The following WDR49 variants were observed in gnomAD, a reference collection of about 807,000 sequenced individuals.
The protein encoded by WDR49 is WD repeat domain 49.
WDR49 carries 107 observed loss-of-function variants against 119.5 expected under a neutral mutation model. The observed-to-expected ratio is 0.90, with a 90% CI of 0.77 to 1.05. The LOEUF (loss-of-function observed/expected upper bound fraction) is 1.05. Ranked by LOEUF, WDR49 falls within the 50% of genes least tolerant of loss-of-function variation. WDR49 has a pLI of 0.00. For synonymous variants in WDR49, 425 were observed against 418.8 expected, an observed-to-expected ratio of 1.01 and a Z score of -0.18; for missense variants, 1,240 against 1,220.5, an observed-to-expected ratio of 1.02 and a Z score of -0.24.
chr3:167,563,657 G>A (rs988759696), intron 8 of WDR49, among the ~76,000 whole-genome samples: 8 of 152,082 alleles, frequency 5.3e-5, no homozygotes, highest in Non-Finnish European at 8.8e-5. Context: ...ATGGGGTACC[G>A]TGTGATATTT....
rs1448288691 is a variant in WDR49 at position 167,626,910 on chromosome 3, G to A, written c.548C>T (p.Ala183Val). 1.6e-6 allele frequency: 2 copies of A among 1,268,196 alleles called. No homozygotes were observed. The highest frequency in any genetic ancestry group is 3.8e-5 in the Admixed American group (1 of 26,234). 78.6% of individuals were successfully genotyped at this position (1,268,196 alleles called of 1,614,324 possible). A position where few individuals can be genotyped will look rare whatever the true frequency, so the allele number is the denominator to read the frequency against. Residue 183 changes from alanine (A) to valine (V), a missense_variant, in exon 3 of 19, where the codon GCC (alanine) becomes GTC (valine). Ala to Val is a moderately conservative substitution (Grantham distance 64, BLOSUM62 0). Transcript: ENST00000682715. Reference sequence around the variant, plus strand: ...CACCCACAGGTGTTTGAGCTTGGTGGCATCTGAAGTGATGGGGAATGTTTC... The same window carrying A: ...CACCCACAGGTGTTTGAGCTTGGTGACATCTGAAGTGATGGGGAATGTTTC... ...LQETFPITSDATKLKHLWVTS... is the reference protein window; with the variant it reads ...LQETFPITSDVTKLKHLWVTS...
intron 11 of WDR49, 70 bp downstream of exon 11, chr3:167,536,800 G>C: frequency 7.6e-7 from 1 of 1,319,830 alleles, no homozygotes; most frequent in Non-Finnish European, 9.8e-7. Context: ...TTTTCTAAAG[G>C]TGAGTGAGCC....
chr3:167,652,486 A>C (rs1327739991), intron 2 of WDR49, among the ~76,000 whole-genome samples: 1 of 152,220 alleles, frequency 6.6e-6, no homozygotes, highest in Non-Finnish European at 1.5e-5. Context: ...GAAATGTTGG[A>C]GGCTCATGAC....
intron 18 of WDR49, among the ~76,000 whole-genome samples, chr3:167,497,046 C>G (rs1751381776): frequency 6.6e-6 from 1 of 152,198 alleles, no homozygotes; most frequent in African/African-American, 2.4e-5. Flanking sequence ...TCCTTGTTTT[C>G]TCCCTCACCT....
At chr3:167,569,118 A>ATTT (rs1467818696) in intron 8 of WDR49, among the ~76,000 whole-genome samples, 1 of 151,726 alleles carries the variant, frequency 6.6e-6, no homozygotes, top group Non-Finnish European at 1.5e-5. Context: ...ATTTTTTCGT[A>ATTT]TTTTTAGTAG....
intron 7 of WDR49, among the ~76,000 whole-genome samples, chr3:167,584,942 G>A (rs577847763): frequency 2.0e-5 from 3 of 151,968 alleles, no homozygotes; most frequent in Admixed American, 6.6e-5. Context: ...TTTCTTGATC[G>A]TAATAGCTTA....
intron 10 of WDR49, among the ~76,000 whole-genome samples, chr3:167,546,957 T>C (rs1039297204): frequency 6.6e-6 from 1 of 151,886 alleles, no homozygotes; most frequent in African/African-American, 2.4e-5. Context: ...ATTCAGCTTA[T>C]TTTTAGTCTT....
intron 13 of WDR49, among the ~76,000 whole-genome samples, chr3:167,530,655 G>A (rs1752817627): frequency 6.6e-6 from 1 of 151,808 alleles, no homozygotes; most frequent in South Asian, 2.1e-4. Context: ...TTCTGTTACT[G>A]TTCTTAACAT....
At chr3:167,536,670 A>C (rs1441555193) in intron 11 of WDR49, among the ~76,000 whole-genome samples, 200 bp downstream of exon 11, 2 of 147,974 alleles carry the variant, frequency 1.4e-5, no homozygotes, top group Non-Finnish European at 3.0e-5. Context: ...ACAGAGTAAG[A>C]CCCCATCTCA....
At chr3:167,642,164 A>G (rs1717911294) in intron 2 of WDR49, among the ~76,000 whole-genome samples, 1 of 151,928 alleles carries the variant, frequency 6.6e-6, no homozygotes, top group Admixed American at 6.6e-5. Context: ...GATTTTTTAA[A>G]CTCTAAAATT....
chr3:167,486,411 C>T (rs75101437), intron 18 of WDR49, among the ~76,000 whole-genome samples: 8 of 152,152 alleles, frequency 5.3e-5, no homozygotes, highest in Non-Finnish European at 1.0e-4. Context: ...CAAGTACTAA[C>T]CCTGAATGTA....
intron 16 of WDR49, among the ~76,000 whole-genome samples, chr3:167,517,667 C>A (rs4485715): frequency 0.56 from 85,102 of 151,412 alleles, 25,950 homozygotes; most frequent in African/African-American, 0.82. Context: ...AAAAATTGAC[C>A]AATGAGATAT....
chr3:167,595,930 G>A (rs1183068751), intron 7 of WDR49, among the ~76,000 whole-genome samples: 1 of 148,242 alleles, frequency 6.7e-6, no homozygotes, highest in Non-Finnish European at 1.5e-5. Context: ...GAGTGAACAG[G>A]CAACCTACAA....
At chr3:167,626,441 G>A (rs1313128559) in intron 3 of WDR49, among the ~76,000 whole-genome samples, 2 of 151,958 alleles carry the variant, frequency 1.3e-5, no homozygotes, top group African/African-American at 2.4e-5. Flanking sequence ...GGTATATGAA[G>A]ATGTTTAGAC....
At chr3:167,610,846 G>A (rs763087770) in intron 5 of WDR49, among the ~76,000 whole-genome samples, 6 of 152,230 alleles carry the variant, frequency 3.9e-5, no homozygotes, top group Non-Finnish European at 8.8e-5. Context: ...AACAGACAGA[G>A]AGACTTTGCA....
At chr3:167,577,077 A>G (rs1343958589) in intron 7 of WDR49, among the ~76,000 whole-genome samples, 1 of 152,218 alleles carries the variant, frequency 6.6e-6, no homozygotes, top group South Asian at 2.1e-4. Flanking sequence ...CACATAAATG[A>G]CATGCATTTA....
chr3:167,589,323 C>T (rs1183597477), intron 7 of WDR49, among the ~76,000 whole-genome samples: 1 of 151,990 alleles, frequency 6.6e-6, no homozygotes, highest in African/African-American at 2.4e-5. Flanking sequence ...AGTGTCATGA[C>T]GTTTTGGTTA....
chr3:167,509,411 T>C (rs550879996), intron 16 of WDR49, among the ~76,000 whole-genome samples: 2 of 152,214 alleles, frequency 1.3e-5, no homozygotes, highest in Non-Finnish European at 2.9e-5. Flanking sequence ...GTTAGTCTAG[T>C]AGACTTTGAA....
intron 9 of WDR49, among the ~76,000 whole-genome samples, chr3:167,555,756 G>A (rs1183883002): frequency 7.1e-6 from 1 of 141,422 alleles, no homozygotes; most frequent in Non-Finnish European, 1.6e-5. Context: ...TGTGATGGTA[G>A]GAGAAACTGA....
Sources: gnomAD v4.1 joint callset for allele counts (sites outside exome capture counted in the v4.1 genomes callset) on GRCh38, gnomAD v4.1.1 for gene constraint, MANE v1.5 for transcripts, NCBI Gene and HGNC (gene_info 2026-07-23, HGNC 2026-07-21) for gene names.